ALOX5: variants seen among roughly 807,000 people sequenced by gnomAD.
ALOX5 encodes arachidonate 5-lipoxygenase, also known as polyunsaturated fatty acid 5-lipoxygenase.
ALOX5 carries 64 observed loss-of-function variants against 87.9 expected under a neutral mutation model. The ratio of observed to expected loss-of-function variants is 0.73; its 90% CI spans 0.60 to 0.90. ALOX5 has a LOEUF of 0.90. Among genes scored for constraint, ALOX5 ranks in the 40% least tolerant of loss-of-function variants. The pLI, the probability that ALOX5 is intolerant of heterozygous loss-of-function variation, is 0.00. For synonymous variants in ALOX5, 388 were observed against 355.1 expected, an observed-to-expected ratio of 1.09 and a Z score of -1.04; for missense variants, 822 against 907.5, an observed-to-expected ratio of 0.91 and a Z score of 1.21.
At chr10:45,420,097 G>A (rs902703054) in intron 4 of ALOX5, among the ~76,000 whole-genome samples, 3 of 152,206 alleles carry the variant, frequency 2.0e-5, no homozygotes, top group Admixed American at 2.0e-4. Flanking sequence ...TGTGACACAA[G>A]TAGGATTCTC....
chr10:45,382,900 C>T (rs925507411), intron 2 of ALOX5, among the ~76,000 whole-genome samples: 1 of 152,244 alleles, frequency 6.6e-6, no homozygotes. Flanking sequence ...GCCTCACTGT[C>T]GTCATGTCCT....
intron 3 of ALOX5, among the ~76,000 whole-genome samples, chr10:45,400,764 T>C (rs530546642): frequency 1.3e-5 from 2 of 152,234 alleles, no homozygotes; most frequent in African/African-American, 4.8e-5. Context: ...GTCAGGTTAG[T>C]AGGTGAGTAG....
chr10:45,391,885 G>A (rs1309587862), intron 2 of ALOX5, among the ~76,000 whole-genome samples: 5 of 113,134 alleles, frequency 4.4e-5, no homozygotes, highest in Non-Finnish European at 4.2e-5. Context: ...CCGCCCGGCA[G>A]CCGCCCCTTC....
chr10:45,393,276 C>A (rs1840362871), intron 2 of ALOX5, among the ~76,000 whole-genome samples: 1 of 152,174 alleles, frequency 6.6e-6, no homozygotes, highest in Non-Finnish European at 1.5e-5. Context: ...GGCATCATCC[C>A]TGGGATGCAA....
Position 45,442,878 on chromosome 10 carries a change from T to C in ALOX5, c.1273-160T>C, listed in dbSNP as rs1050394145. 60 of 740,344 alleles carry C rather than the reference T, an allele frequency of 8.1e-5. 1 individual carries two copies. The highest frequency in any genetic ancestry group is 4.4e-4 in the South Asian group (23 of 52,142). 45.9% of individuals were successfully genotyped at this position (740,344 alleles called of 1,614,324 possible). A position where few individuals can be genotyped will look rare whatever the true frequency, so the allele number is the denominator to read the frequency against. On this transcript the variant is annotated intron_variant, in intron 9 of 13. Coordinates refer to ENST00000374391, the MANE Select transcript of ALOX5 (RefSeq NM_000698.5). Reference sequence around the variant, plus strand: ...GCACCTCTCCACCCGGCTGCCCTTGTCATTCTCTGCGTTAAACATCCCTCC... The same window carrying C: ...GCACCTCTCCACCCGGCTGCCCTTGCCATTCTCTGCGTTAAACATCCCTCC...
At position 45,443,740 on chromosome 10, in the gene ALOX5, C is replaced by G; in HGVS notation, c.1586C>G (p.Ser529Trp). The G allele has an allele frequency of 6.2e-7, 1 of 1,612,082 alleles. No homozygotes were observed. The highest frequency in any genetic ancestry group is 8.5e-7 in the Non-Finnish European group (1 of 1,179,344). The change falls in exon 12 of 14, where the codon TCG becomes TGG. Residue 529 changes from serine (S) to tryptophan (W), a missense_variant. Ser to Trp is a radical substitution (Grantham distance 177, BLOSUM62 -3). Transcript: ENST00000374391. ...GGTTCCACCCTAGGCTTCCCCAAGT[C>G]GGTCAAGAGCCGGGAGCAGCTGTCG... ...RGRKSSGFPKSVKSREQLSEY... is the reference protein window; with the variant it reads ...RGRKSSGFPKWVKSREQLSEY...
intron 4 of ALOX5, among the ~76,000 whole-genome samples, chr10:45,413,426 A>G (rs964318531): frequency 1.3e-5 from 2 of 152,238 alleles, no homozygotes; most frequent in African/African-American, 4.8e-5. Flanking sequence ...TAAATTAGGT[A>G]TTGATGGGAT....
intron 4 of ALOX5, among the ~76,000 whole-genome samples, chr10:45,413,591 A>C (rs1009482931): frequency 2.0e-5 from 3 of 152,208 alleles, no homozygotes; most frequent in Non-Finnish European, 4.4e-5. Context: ...AGTTCTGGCC[A>C]GGGCAATCAG....
intron 7 of ALOX5, among the ~76,000 whole-genome samples, chr10:45,436,390 C>T (rs574131528): frequency 2.0e-5 from 3 of 152,236 alleles, no homozygotes; most frequent in South Asian, 2.1e-4. Context: ...TGAAGTCTTA[C>T]ATTTAAGTCT....
intron 12 of ALOX5, 100 bp from the exon 13 acceptor site, chr10:45,444,016 G>C: frequency 1.4e-6 from 2 of 1,450,614 alleles, no homozygotes; most frequent in Non-Finnish European, 1.8e-6. Flanking sequence ...GGACTGCAGG[G>C]CCCGCTGGAG....
intron 6 of ALOX5, among the ~76,000 whole-genome samples, chr10:45,427,322 G>A (rs769397230): frequency 1.3e-5 from 2 of 152,180 alleles, no homozygotes; most frequent in African/African-American, 4.8e-5. Flanking sequence ...AGACATCACT[G>A]TGCCCGACCA....
intron 3 of ALOX5, among the ~76,000 whole-genome samples, chr10:45,403,312 C>T (rs1840767261): frequency 6.6e-6 from 1 of 152,186 alleles, no homozygotes; most frequent in African/African-American, 2.4e-5. Flanking sequence ...ATGGACAAAC[C>T]TCACTGACGC....
intron 4 of ALOX5, among the ~76,000 whole-genome samples, chr10:45,418,288 G>A (rs542056493): frequency 2.2e-3 from 328 of 152,286 alleles, no homozygotes; most frequent in Admixed American, 9.2e-3. Context: ...CCCTGGGCCG[G>A]TGGGGGTTGG....
chr10:45,427,521 G>T (rs1312406925), intron 6 of ALOX5, among the ~76,000 whole-genome samples: 1 of 152,256 alleles, frequency 6.6e-6, no homozygotes, highest in Non-Finnish European at 1.5e-5. Flanking sequence ...TGGGTGGGTG[G>T]CTTCTGTCCT....
At chr10:45,414,420 C>T (rs1333339980) in intron 4 of ALOX5, among the ~76,000 whole-genome samples, 3 of 152,152 alleles carry the variant, frequency 2.0e-5, no homozygotes, top group African/African-American at 7.2e-5. Context: ...TTCCTTACAC[C>T]TTATACAAAA....
intron 4 of ALOX5, among the ~76,000 whole-genome samples, chr10:45,418,289 T>TG (rs1841368308): frequency 6.6e-6 from 1 of 151,422 alleles, no homozygotes; most frequent in African/African-American, 2.4e-5. Flanking sequence ...CCTGGGCCGG[T>TG]GGGGGTTGGG....
At chr10:45,414,005 C>T (rs1409377265) in intron 4 of ALOX5, among the ~76,000 whole-genome samples, 2 of 152,166 alleles carry the variant, frequency 1.3e-5, no homozygotes, top group Admixed American at 1.3e-4. Context: ...ATGAAAATGG[C>T]CATACTCCCA....
chr10:45,428,879 G>T, intron 7 of ALOX5, 115 bp downstream of exon 7: 6 of 1,375,810 alleles, frequency 4.4e-6, no homozygotes, highest in Non-Finnish European at 3.0e-6. Context: ...AGACACTAGG[G>T]CTTCCTGCAG....
intron 3 of ALOX5, among the ~76,000 whole-genome samples, chr10:45,409,857 A>G (rs1368185376): frequency 6.6e-6 from 1 of 152,258 alleles, no homozygotes; most frequent in Non-Finnish European, 1.5e-5. Context: ...GGGGGGCAGT[A>G]GTGAACTAGC....
Sources: gnomAD v4.1 joint callset for allele counts (sites outside exome capture counted in the v4.1 genomes callset) on GRCh38, gnomAD v4.1.1 for gene constraint, MANE v1.5 for transcripts, NCBI Gene and HGNC (gene_info 2026-07-23, HGNC 2026-07-21) for gene names.